Variants in RYR2 observed in about 807,000 individuals in gnomAD.
RYR2 encodes cardiac muscle ryanodine receptor-calcium release channel.
Under a neutral mutation model 601.1 loss-of-function variants are expected in RYR2, and 227 were observed. That is an observed-to-expected ratio of 0.38 (90% CI 0.34 to 0.42). The LOEUF (loss-of-function observed/expected upper bound fraction) is 0.42, where lower values mean the gene tolerates loss of function less well. Among genes scored for constraint, RYR2 ranks in the 10% least tolerant of loss-of-function variants. The probability of loss-of-function intolerance (pLI) is 1.00; values close to 1 mark genes in which losing one functional copy is unlikely to be tolerated. For missense variants in RYR2, 4,646 were observed against 6,156.5 expected, an observed-to-expected ratio of 0.75 and a Z score of 8.21; for synonymous variants, 2,223 against 2,175.1, an observed-to-expected ratio of 1.02 and a Z score of -0.61.
intron 73 of RYR2, among the ~76,000 whole-genome samples, chr1:237,721,941 A>C (rs531407270): frequency 1.3e-5 from 2 of 152,358 alleles, no homozygotes. Context: ...TTCTAAACAC[A>C]TGAAGATTTC....
intron 58 of RYR2, among the ~76,000 whole-genome samples, chr1:237,668,264 C>T (rs762819098): frequency 6.6e-6 from 1 of 152,172 alleles, no homozygotes; most frequent in Non-Finnish European, 1.5e-5. Flanking sequence ...CTCTCTTCCC[C>T]AACTTAAATA....
At chr1:237,318,631 C>T (rs1454248821) in intron 2 of RYR2, among the ~76,000 whole-genome samples, 1 of 152,142 alleles carries the variant, frequency 6.6e-6, no homozygotes, top group African/African-American at 2.4e-5. Context: ...TGTCATCTCA[C>T]TGCCTTCTGT....
chr1:237,135,958 C>T (rs1672732206), intron 1 of RYR2, among the ~76,000 whole-genome samples: 1 of 152,284 alleles, frequency 6.6e-6, no homozygotes, highest in East Asian at 1.9e-4. Flanking sequence ...CTGGAGTGGC[C>T]CTGGCCTGAG....
intron 1 of RYR2, among the ~76,000 whole-genome samples, chr1:237,044,514 C>T (rs919179397): frequency 1.3e-5 from 2 of 152,122 alleles, no homozygotes; most frequent in South Asian, 2.1e-4. Context: ...AGAGCAGCAC[C>T]TTTGATAAGT....
At position 237,610,828 on chromosome 1, in the gene RYR2, C is replaced by G. The variant is rs745824179; in HGVS notation, c.4750C>G (p.Pro1584Ala). 4 of 1,612,478 alleles carry G rather than the reference C, an allele frequency of 2.5e-6. No homozygotes were observed. The highest frequency in any genetic ancestry group is 3.4e-6 in the Non-Finnish European group (4 of 1,179,456). ...EHKNPVPQCP[P>A]RLHVQFLSHV... ...CAAGAACCCCGTGCCGCAGTGCCCCCCGCGCCTCCACGTGCAGTTCCTGTC... is the reference window on the plus strand; with the variant it reads ...CAAGAACCCCGTGCCGCAGTGCCCCGCGCGCCTCCACGTGCAGTTCCTGTC... Residue 1584 changes from proline (P) to alanine (A), a missense_variant, in exon 36 of 105, where the codon CCG becomes GCG. Physicochemically the swap from Pro to Ala is conservative, Grantham distance 27 (BLOSUM62 -1). Coordinates refer to ENST00000366574, the MANE Select transcript of RYR2 (RefSeq NM_001035.3). The surrounding 1 kb of genome is among the most constrained non-coding windows in gnomAD (Gnocchi z 4.9).
At chr1:237,374,618 A>T (rs1700882466) in intron 6 of RYR2, 99 bp from the exon 7 acceptor site, 1 of 942,620 alleles carries the variant, frequency 1.1e-6, no homozygotes, top group East Asian at 2.7e-5. Flanking sequence ...TGATCACGCC[A>T]CTGCACTTCC....
chr1:237,553,470 A>C (rs544448171), intron 27 of RYR2, among the ~76,000 whole-genome samples: 12 of 152,068 alleles, frequency 7.9e-5, no homozygotes, highest in African/African-American at 2.9e-4. Flanking sequence ...CATTTTTATC[A>C]CATAGTAAAT....
chr1:237,297,901 C>A (rs1039202022), intron 2 of RYR2, among the ~76,000 whole-genome samples: 5 of 150,694 alleles, frequency 3.3e-5, no homozygotes, highest in Admixed American at 2.7e-4. Context: ...CAAGCACGTG[C>A]TACCATATCT....
intron 1 of RYR2, among the ~76,000 whole-genome samples, chr1:237,214,413 AGATTC>A (rs1267051845): frequency 2.0e-5 from 3 of 152,164 alleles, no homozygotes; most frequent in African/African-American, 4.8e-5. Context: ...GGACTCAGGA[AGATTC>A]TACTCATTGC....
chr1:237,418,940 A>G (rs184821784), intron 11 of RYR2, among the ~76,000 whole-genome samples: 98 of 151,044 alleles, frequency 6.5e-4, no homozygotes, highest in African/African-American at 2.3e-3. Context: ...AGATGGAAAA[A>G]GAAGAGACAG....
intron 1 of RYR2, among the ~76,000 whole-genome samples, chr1:237,151,150 A>G (rs527343771): frequency 6.6e-6 from 1 of 152,294 alleles, no homozygotes; most frequent in Admixed American, 6.5e-5. Flanking sequence ...CATTAGGAGT[A>G]TACTGTGCCT....
At chr1:237,101,242 C>T (rs901901591) in intron 1 of RYR2, among the ~76,000 whole-genome samples, 1 of 150,220 alleles carries the variant, frequency 6.7e-6, no homozygotes, top group Admixed American at 6.7e-5. Flanking sequence ...TTAGGCTCAT[C>T]CTTGGATGCC....
chr1:237,123,012 G>A (rs1670984728), intron 1 of RYR2, among the ~76,000 whole-genome samples: 1 of 152,182 alleles, frequency 6.6e-6, no homozygotes, highest in Non-Finnish European at 1.5e-5. Context: ...AAAGGCTATA[G>A]GGGTGGATTG....
At chr1:237,492,398 A>C (rs1663461516) in intron 18 of RYR2, among the ~76,000 whole-genome samples, 1 of 152,240 alleles carries the variant, frequency 6.6e-6, no homozygotes, top group African/African-American at 2.4e-5. Context: ...GGGAACATGA[A>C]CAGTTCTCAA....
chr1:237,475,915 A>G (rs1661346477), intron 17 of RYR2, among the ~76,000 whole-genome samples: 1 of 112,616 alleles, frequency 8.9e-6, no homozygotes, highest in Non-Finnish European at 2.1e-5. Flanking sequence ...GCCAAAGTTA[A>G]TTGAAAAGAC....
At position 237,430,923 on chromosome 1, in the gene RYR2, G is replaced by T. The variant is rs1415463645; in HGVS notation, c.1005+7675G>T. ...GATCCTTCTGTGATTTCTGCTCAGG[G>T]ATTCTGTTTCTGGAATTTGGCAATT... On this transcript the variant is annotated intron_variant, in intron 12 of 104. Coordinates refer to ENST00000366574, the MANE Select transcript of RYR2 (RefSeq NM_001035.3). 2.0e-5 allele frequency among the ~76,000 whole-genome samples: 3 copies of T among 152,164 alleles called. No individual in the cohort carries two copies. In the East Asian group the frequency reaches 5.8e-4, roughly 29 times the overall value.
Position 237,364,005 on chromosome 1 carries a change from G to T in RYR2, c.295-353G>T, listed in dbSNP as rs372052325. On this transcript the variant is annotated intron_variant, in intron 4 of 104. Coordinates refer to ENST00000366574, the MANE Select transcript of RYR2 (RefSeq NM_001035.3). ...CTGCATTTTTATGCAAAAGATGCAA[G>T]TTGGTTTTTTAAAAAGCATTTGCAG... 3.9e-3 allele frequency among the ~76,000 whole-genome samples: 592 copies of T among 152,240 alleles called. 4 individuals carry two copies. The highest frequency in any genetic ancestry group is 0.014 in the African/African-American group (570 of 41,580).
intron 101 of RYR2, among the ~76,000 whole-genome samples, chr1:237,820,187 CAAAAA>C (rs141962001): frequency 5.6e-5 from 4 of 71,390 alleles, no homozygotes; most frequent in Admixed American, 1.6e-4. Flanking sequence ...AACTCCATCT[CAAAAA>C]AAAAAAAAAA....
At chr1:237,654,436 T>G in intron 52 of RYR2, 22 bp downstream of exon 52, 1 of 1,612,252 alleles carries the variant, frequency 6.2e-7, no homozygotes, top group Non-Finnish European at 8.5e-7. Flanking sequence ...GTTTGTGGGT[T>G]TGTTTGTATC....
Sources: gnomAD v4.1 joint callset for allele counts (sites outside exome capture counted in the v4.1 genomes callset) on GRCh38, gnomAD v4.1.1 for gene constraint, Gnocchi (gnomAD v3.1) non-coding constraint, MANE v1.5 for transcripts, NCBI Gene and HGNC (gene_info 2026-07-23, HGNC 2026-07-21) for gene names.